The following CDH13 variants were observed in gnomAD, a reference collection of about 807,000 sequenced individuals.
CDH13 encodes the protein cadherin 13.
In CDH13, 24 loss-of-function variants were observed where a neutral mutation model predicts 63.8. That is an observed-to-expected ratio of 0.38 (90% CI 0.27 to 0.53). The LOEUF is 0.53. Ranked by LOEUF, CDH13 falls within the 20% of genes least tolerant of loss-of-function variation. The pLI, the probability that CDH13 is intolerant of heterozygous loss-of-function variation, is 0.85. For synonymous variants in CDH13, 503 were observed against 355.3 expected (o/e 1.42, Z -4.67); for missense variants, 1,049 against 903.1 (o/e 1.16, Z -2.07).
intron 2 of CDH13, among the ~76,000 whole-genome samples, chr16:82,943,581 T>TAGG (rs755272591): frequency 4.1e-4 from 62 of 152,328 alleles, no homozygotes; most frequent in Admixed American, 1.0e-3. Flanking sequence ...TGGCTTTTAT[T>TAGG]AGGCAATGTA....
At chr16:82,906,366 A>C (rs1288301888) in intron 2 of CDH13, among the ~76,000 whole-genome samples, 1 of 152,190 alleles carries the variant, frequency 6.6e-6, no homozygotes, top group African/African-American at 2.4e-5. Flanking sequence ...GTGAGTTTTC[A>C]GCTTTTGTTA....
chr16:83,540,872 C>T (rs866066586), intron 7 of CDH13, among the ~76,000 whole-genome samples: 10 of 152,154 alleles, frequency 6.6e-5, no homozygotes, highest in South Asian at 2.1e-4. Context: ...TCAAATGATC[C>T]GCCCGCCTCA....
At chr16:83,692,141 A>C (rs1349010607) in intron 10 of CDH13, among the ~76,000 whole-genome samples, 1 of 152,216 alleles carries the variant, frequency 6.6e-6, no homozygotes, top group African/African-American at 2.4e-5. Flanking sequence ...TGCAATTACC[A>C]GACCCAATAG....
At chr16:83,362,532 C>T (rs1324495272) in intron 6 of CDH13, among the ~76,000 whole-genome samples, 2 of 152,216 alleles carry the variant, frequency 1.3e-5, no homozygotes, top group Non-Finnish European at 2.9e-5. Flanking sequence ...CCAGGATGAA[C>T]ACTTTCAAAT....
chr16:83,205,970 A>C (rs566393850), intron 4 of CDH13, among the ~76,000 whole-genome samples: 4 of 152,254 alleles, frequency 2.6e-5, no homozygotes, highest in East Asian at 3.9e-4. Context: ...ATGTCAGTGT[A>C]GGTTGGGATA....
chr16:82,832,423 C>G (rs574508465), intron 1 of CDH13, among the ~76,000 whole-genome samples: 76 of 152,208 alleles, frequency 5.0e-4, no homozygotes, highest in Non-Finnish European at 9.0e-4. Context: ...CTTTTCATCT[C>G]TTCTTCCTCC....
At chr16:83,231,506 T>C (rs1471389014) in intron 5 of CDH13, among the ~76,000 whole-genome samples, 1 of 152,190 alleles carries the variant, frequency 6.6e-6, no homozygotes, top group Non-Finnish European at 1.5e-5. Context: ...GTTGATGTGT[T>C]CCAGCAGGAG....
At chr16:83,099,915 C>A (rs897851416) in intron 3 of CDH13, among the ~76,000 whole-genome samples, 4 of 152,114 alleles carry the variant, frequency 2.6e-5, no homozygotes, top group African/African-American at 9.7e-5. Flanking sequence ...CCTGCGAGTT[C>A]CCACTTGGTT....
chr16:82,803,560 C>G (rs2219659), intron 1 of CDH13, among the ~76,000 whole-genome samples: 150,105 of 152,330 alleles, frequency 0.99, 73,990 homozygotes, highest in Middle Eastern at 1. Flanking sequence ...TGTAGTCGCT[C>G]TAAGTCGTTT....
At chr16:82,988,229 C>T (rs147972605) in intron 2 of CDH13, among the ~76,000 whole-genome samples, 9 of 152,204 alleles carry the variant, frequency 5.9e-5, no homozygotes, top group Admixed American at 2.6e-4. Flanking sequence ...TGTAAGAGCA[C>T]GCACACACGT....
At chr16:83,345,334 A>G (rs1383563060) in intron 6 of CDH13, among the ~76,000 whole-genome samples, 1 of 152,228 alleles carries the variant, frequency 6.6e-6, no homozygotes, top group African/African-American at 2.4e-5. Context: ...ACTTTGTGCT[A>G]TAGCAGGGCT....
rs189183700 is a variant in CDH13 at position 83,736,587 on chromosome 16, G to C, written c.1539-11521G>C. 2.0e-5 allele frequency among the ~76,000 whole-genome samples: 3 copies of C among 151,876 alleles called. No homozygotes were observed. In the East Asian group the frequency reaches 5.8e-4, roughly 29 times the overall value. ...TCTTTGCAAAGACACTTATAAAGTTGTGAAGACGTTGTTTCCTTACTCTAA... is the reference window on the plus strand; with the variant it reads ...TCTTTGCAAAGACACTTATAAAGTTCTGAAGACGTTGTTTCCTTACTCTAA... On this transcript the variant is annotated intron_variant, in intron 10 of 13. Coordinates refer to ENST00000567109, the MANE Select transcript of CDH13 (RefSeq NM_001257.5).
chr16:83,392,672 G>A (rs573960983), intron 6 of CDH13, among the ~76,000 whole-genome samples: 39 of 152,318 alleles, frequency 2.6e-4, no homozygotes, highest in African/African-American at 8.2e-4. Context: ...GCCCTAAGTC[G>A]TGATATAAAA....
intron 8 of CDH13, among the ~76,000 whole-genome samples, chr16:83,611,761 G>A (rs1207352918): frequency 3.3e-5 from 5 of 151,626 alleles, no homozygotes; most frequent in Non-Finnish European, 2.9e-5. Flanking sequence ...GAATTTTCTT[G>A]GGTCCCTTTT....
intron 4 of CDH13, among the ~76,000 whole-genome samples, chr16:83,178,914 A>G (rs940732299): frequency 4.6e-5 from 7 of 152,226 alleles, no homozygotes; most frequent in African/African-American, 1.4e-4. Context: ...TGGAAGTTAC[A>G]TAGAGACGTG....
In CDH13 at chr16:82,979,582, T is replaced by A. The variant is rs900883098; in HGVS notation, c.158-52428T>A. Reference sequence around the variant, plus strand: ...TCAGCACTTCTCCTGGATGCTGCCATGTGAAAAAGGATGTGTTTGCTTCCT... The same window carrying A: ...TCAGCACTTCTCCTGGATGCTGCCAAGTGAAAAAGGATGTGTTTGCTTCCT... On this transcript the variant is annotated intron_variant, in intron 2 of 13. Coordinates refer to ENST00000567109, the MANE Select transcript of CDH13 (RefSeq NM_001257.5). 2.6e-5 allele frequency among the ~76,000 whole-genome samples: 4 copies of A among 152,272 alleles called. No individual in the cohort carries two copies. In the East Asian group the frequency reaches 7.7e-4, roughly 29 times the overall value.
intron 7 of CDH13, among the ~76,000 whole-genome samples, chr16:83,534,727 T>C (rs2075150847): frequency 6.6e-6 from 1 of 152,248 alleles, no homozygotes; most frequent in African/African-American, 2.4e-5. Context: ...CTTTCACTGA[T>C]GGACATTTGA....
intron 7 of CDH13, among the ~76,000 whole-genome samples, chr16:83,560,875 A>C (rs979857031): frequency 6.6e-6 from 1 of 150,428 alleles, no homozygotes; most frequent in Admixed American, 6.7e-5. Flanking sequence ...GTGCTGTGGC[A>C]AGGACAAGTG....
intron 2 of CDH13, among the ~76,000 whole-genome samples, chr16:82,983,616 C>T (rs1355841178): frequency 6.6e-6 from 1 of 152,194 alleles, no homozygotes; most frequent in East Asian, 1.9e-4. Context: ...ATCTGTGAGA[C>T]AGGGCTGCTG....
Sources: gnomAD v4.1 joint callset for allele counts (sites outside exome capture counted in the v4.1 genomes callset) on GRCh38, gnomAD v4.1.1 for gene constraint, MANE v1.5 for transcripts, NCBI Gene and HGNC (gene_info 2026-07-23, HGNC 2026-07-21) for gene names.